IQCH: variants seen among roughly 807,000 people sequenced by gnomAD.
IQCH encodes the protein IQ motif containing H.
In IQCH, 98 loss-of-function variants were observed where a neutral mutation model predicts 117.0. The ratio of observed to expected loss-of-function variants is 0.84; its 90% CI spans 0.71 to 0.99. IQCH has a LOEUF of 0.99. Ranked by LOEUF, IQCH falls within the 50% of genes least tolerant of loss-of-function variation. The pLI, the probability that IQCH is intolerant of heterozygous loss-of-function variation, is 0.00. For missense variants in IQCH, 1,102 were observed against 1,243.8 expected (o/e 0.89, Z 1.72); for synonymous variants, 412 against 448.2 (o/e 0.92, Z 1.02).
rs1971423736 is a variant in IQCH, at chr15:67,395,256, C to T, written c.1633-35C>T. 6.3e-7 allele frequency: 1 copy of T among 1,586,026 alleles called. No individual in the cohort carries two copies. The highest frequency in any genetic ancestry group is 1.4e-5 in the African/African-American group (1 of 73,576). On this transcript the variant is annotated intron_variant, in intron 12 of 20. Coordinates refer to ENST00000335894, the MANE Select transcript of IQCH (RefSeq NM_001031715.3). This position sits in a 1 kb window ranked among gnomAD's most constrained non-coding sequence, Gnocchi z 4.0. ...TAGGTGTATGGACTAGAAAAAAGGA[C>T]ACCTTTTAACAAGAATAATATGATC...
chr15:67,292,326 C>A (rs940138078), intron 4 of IQCH, among the ~76,000 whole-genome samples: 1 of 152,182 alleles, frequency 6.6e-6, no homozygotes, highest in South Asian at 2.1e-4. Flanking sequence ...CATGGCTCAT[C>A]ATGCAGCCGC....
At position 67,384,963 on chromosome 15, in the gene IQCH, T is replaced by C. The variant is rs1438270371; in HGVS notation, c.1400T>C (p.Ile467Thr). Residue 467 changes from isoleucine (I) to threonine (T), a missense_variant, in exon 11 of 21, where the codon ATT (isoleucine) becomes ACT (threonine). This residue lies in a region of IQCH where 650 missense variants were observed against 794.3 expected (regional missense o/e 0.82). Transcript: ENST00000335894. The surrounding 1 kb of genome is among the most constrained non-coding windows in gnomAD (Gnocchi z 4.3). Reference protein sequence around the residue: ...LGYSQPVREHIADFNTQQNMQ... With the variant: ...LGYSQPVREHTADFNTQQNMQ... ...TATTCCCAGCCTGTGAGAGAACATA[T>C]TGCCGATTTCAACACACAGCAGAAC... 6.2e-7 allele frequency: 1 copy of C among 1,612,200 alleles called. No individual in the cohort carries two copies. The highest frequency in any genetic ancestry group is 1.3e-5 in the African/African-American group (1 of 74,860).
chr15:67,371,396 A>C (rs926740012), intron 8 of IQCH: 45 of 1,058,672 alleles, frequency 4.3e-5, no homozygotes, highest in Non-Finnish European at 5.7e-5. Flanking sequence ...GAACAAAATG[A>C]AAAGCAAATG....
chr15:67,488,557 G>A (rs1260436119), intron 18 of IQCH, among the ~76,000 whole-genome samples: 5 of 152,130 alleles, frequency 3.3e-5, no homozygotes, highest in Non-Finnish European at 5.9e-5. Context: ...ATCTCCCATA[G>A]AATCAATCTG....
At chr15:67,257,132 C>A (rs1435607433) in intron 1 of IQCH, among the ~76,000 whole-genome samples, 1 of 152,204 alleles carries the variant, frequency 6.6e-6, no homozygotes, top group Admixed American at 6.5e-5. Flanking sequence ...CTTTGACAGT[C>A]TCACAAGTAG....
rs532472177 is a variant in IQCH at position 67,481,176 on chromosome 15, T to C, written c.2799+5358T>C. On this transcript the variant is annotated intron_variant, in intron 18 of 20. Coordinates refer to ENST00000335894, the MANE Select transcript of IQCH (RefSeq NM_001031715.3). The surrounding 1 kb of genome is among the most constrained non-coding windows in gnomAD (Gnocchi z 4.1). ...CAGAGTATGAATCCAACAAAGATTA[T>C]GGCATCCAGTACTGTATTAGTCTGT... Among the ~76,000 whole-genome samples the C allele has an allele frequency of 1.3e-5, 2 of 152,210 alleles. No individual in the cohort carries two copies. Among genetic ancestry groups the C allele is most frequent in the African/African-American group, 4.8e-5 (2 of 41,472 alleles).
chr15:67,335,787 C>T (rs182902445), intron 4 of IQCH, among the ~76,000 whole-genome samples: 3 of 152,308 alleles, frequency 2.0e-5, no homozygotes, highest in African/African-American at 7.2e-5. Flanking sequence ...TAACAGTCTA[C>T]TCTTTCCTAT....
At chr15:67,396,631 T>G (rs1971479924) in intron 13 of IQCH, among the ~76,000 whole-genome samples, 2 of 152,212 alleles carry the variant, frequency 1.3e-5, no homozygotes, top group African/African-American at 4.8e-5. Context: ...AGTACACCTC[T>G]TGACCATTAC....
In IQCH at chr15:67,465,050, T is replaced by C; in HGVS notation, c.2506-77T>C. The C allele has an allele frequency of 7.0e-7, 1 of 1,420,680 alleles. No individual in the cohort carries two copies. Among genetic ancestry groups the C allele is most frequent in the Non-Finnish European group, 9.7e-7 (1 of 1,026,784 alleles). 88.0% of individuals were successfully genotyped at this position (1,420,680 alleles called of 1,614,324 possible). On this transcript the variant is annotated intron_variant, in intron 16 of 20. Coordinates refer to ENST00000335894, the MANE Select transcript of IQCH (RefSeq NM_001031715.3). The surrounding 1 kb of genome is among the most constrained non-coding windows in gnomAD (Gnocchi z 5.9). Reference sequence around the variant, plus strand: ...TTTCACTTAGTCTGATGTAGTTTGGTCTGGTTAGGCAGAGGTGGGGCCTTC... The same window carrying C: ...TTTCACTTAGTCTGATGTAGTTTGGCCTGGTTAGGCAGAGGTGGGGCCTTC...
intron 16 of IQCH, among the ~76,000 whole-genome samples, chr15:67,464,725 T>C (rs928653983): frequency 6.6e-6 from 1 of 152,190 alleles, no homozygotes; most frequent in African/African-American, 2.4e-5. Flanking sequence ...TATTCATCAC[T>C]CTTTTCCCGT....
chr15:67,368,386 A>G (rs1970407978), intron 8 of IQCH, among the ~76,000 whole-genome samples: 1 of 152,206 alleles, frequency 6.6e-6, no homozygotes, highest in South Asian at 2.1e-4. Context: ...TGTTTATTCT[A>G]TAGAAAGCTC....
At chr15:67,274,283 T>C (rs1010304026) in intron 3 of IQCH, among the ~76,000 whole-genome samples, 4 of 152,206 alleles carry the variant, frequency 2.6e-5, no homozygotes, top group African/African-American at 9.6e-5. Flanking sequence ...CAACTCTCTC[T>C]TGAACATCAA....
In IQCH at chr15:67,431,732, C is replaced by T. The variant is rs2082024011; in HGVS notation, c.2505+10155C>T. ...ATAGAATTTAGTTGAACATTTCCTA[C>T]CAATATCAATAGTTTTTTAGATTGT... On this transcript the variant is annotated intron_variant, in intron 16 of 20. Transcript: ENST00000335894. The surrounding 1 kb of genome is among the most constrained non-coding windows in gnomAD (Gnocchi z 4.8). Among the ~76,000 whole-genome samples, 1 of 152,122 alleles carries T rather than the reference C, an allele frequency of 6.6e-6. No individual in the cohort carries two copies. Among genetic ancestry groups the T allele is most frequent in the African/African-American group, 2.4e-5 (1 of 41,406 alleles).
chr15:67,428,622 G>A (rs542800927), intron 16 of IQCH, among the ~76,000 whole-genome samples: 33 of 152,170 alleles, frequency 2.2e-4, no homozygotes, highest in Middle Eastern at 6.8e-3. Flanking sequence ...AGACCGAGGC[G>A]GGTGGATCAC....
At chr15:67,265,111 G>C (rs946350401) in intron 3 of IQCH, among the ~76,000 whole-genome samples, 8 of 152,242 alleles carry the variant, frequency 5.3e-5, no homozygotes, top group African/African-American at 1.9e-4. Flanking sequence ...AAGTTCTACT[G>C]TCTCTGTCTT....
rs114311376 is a variant in IQCH at position 67,422,607 on chromosome 15, G to A, written c.2505+1030G>A. 6.8e-3 allele frequency among the ~76,000 whole-genome samples: 1,036 copies of A among 152,114 alleles called. 17 individuals are homozygous for A. The highest frequency in any genetic ancestry group is 0.024 in the African/African-American group (980 of 41,488). On this transcript the variant is annotated intron_variant, in intron 16 of 20. Coordinates refer to ENST00000335894, the MANE Select transcript of IQCH (RefSeq NM_001031715.3). The surrounding 1 kb of genome is among the most constrained non-coding windows in gnomAD (Gnocchi z 4.7). ...CAAAAATAATGTAGAGTTTTATTTT[G>A]CATGTTTTTAAGAATTTTGTAGATC...
chr15:67,490,397 G>A lies in IQCH; in HGVS notation c.2861+333G>A, dbSNP rs997573229. Among the ~76,000 whole-genome samples, 15 of 152,114 alleles carry A rather than the reference G, an allele frequency of 9.9e-5. No homozygotes were observed. Among genetic ancestry groups the A allele is most frequent in the South Asian group, 2.1e-4 (1 of 4,810 alleles). Reference sequence around the variant, plus strand: ...ATTTTTGTATTTTTAGTAGAGACGGGGTTTCATCATGTTGGCCAGGATGGT... The same window carrying A: ...ATTTTTGTATTTTTAGTAGAGACGGAGTTTCATCATGTTGGCCAGGATGGT... On this transcript the variant is annotated intron_variant, in intron 19 of 20. Transcript: ENST00000335894. The surrounding 1 kb of genome is among the most constrained non-coding windows in gnomAD (Gnocchi z 4.9).
chr15:67,441,235 G>A (rs767367653), intron 16 of IQCH, among the ~76,000 whole-genome samples: 4 of 147,302 alleles, frequency 2.7e-5, no homozygotes, highest in African/African-American at 5.0e-5. Context: ...AGAAATCACA[G>A]ACGACACAAA....
At position 67,449,542 on chromosome 15, in the gene IQCH, C is replaced by T. The variant is rs574641288; in HGVS notation, c.2506-15585C>T. On this transcript the variant is annotated intron_variant, in intron 16 of 20. Transcript: ENST00000335894. Reference sequence around the variant, plus strand: ...CATAGATCAGATAGTTGTAGATATGCGGCATTATTTCTGAGGGTTCTGTTC... The same window carrying T: ...CATAGATCAGATAGTTGTAGATATGTGGCATTATTTCTGAGGGTTCTGTTC... Among the ~76,000 whole-genome samples the T allele has an allele frequency of 4.7e-4, 72 of 152,108 alleles. No individual in the cohort carries two copies. The South Asian group carries it at 6.8e-3, about 14-fold the overall frequency.
Sources: allele counts gnomAD v4.1 joint callset (sites outside exome capture counted in the v4.1 genomes callset), GRCh38; gene constraint gnomAD v4.1.1; regional missense constraint gnomAD v4.1.1; non-coding constraint Gnocchi (gnomAD v3.1); transcripts MANE v1.5; gene names NCBI Gene and HGNC (gene_info 2026-07-23, HGNC 2026-07-21).